MRC1: variants seen among roughly 807,000 people sequenced by gnomAD.
MRC1 encodes macrophage mannose receptor 1.
MRC1 carries 62 observed loss-of-function variants against 102.9 expected under a neutral mutation model. The observed-to-expected ratio is 0.60, with a 90% CI of 0.49 to 0.74. MRC1 has a LOEUF of 0.74. Ranked by LOEUF, MRC1 falls within the 30% of genes least tolerant of loss-of-function variation. The probability of loss-of-function intolerance (pLI) is 0.00; values close to 1 mark genes in which losing one functional copy is unlikely to be tolerated. For missense variants in MRC1, 1,237 were observed against 862.8 expected, an observed-to-expected ratio of 1.43 and a Z score of -5.43; for synonymous variants, 457 against 298.4, an observed-to-expected ratio of 1.53 and a Z score of -5.48.
At chr10:17,818,814 A>C (rs1055561187) in intron 1 of MRC1, among the ~76,000 whole-genome samples, 8,661 of 152,270 alleles carry the variant, frequency 0.057, 280 homozygotes, top group South Asian at 0.12. Flanking sequence ...AAGAAAGAAA[A>C]GGAAAGTTGA....
chr10:17,894,314 T>G lies in MRC1; in HGVS notation c.3250+2T>G, dbSNP rs1278708382. 1.1e-6 allele frequency: 1 copy of G among 872,390 alleles called. No individual in the cohort carries two copies. The highest frequency in any genetic ancestry group is 2.0e-6 in the Non-Finnish European group (1 of 501,434). 54.0% of individuals were successfully genotyped at this position (872,390 alleles called of 1,614,324 possible). A position where few individuals can be genotyped will look rare whatever the true frequency, so the allele number is the denominator to read the frequency against. ...GCTACATATGCCAGACACGATCCGG[T>G]AAGTTCTACCAAACCTTACCTTCCT... On this transcript the variant is annotated splice_donor_variant, in intron 23 of 29. Coordinates refer to ENST00000569591, the MANE Select transcript of MRC1 (RefSeq NM_002438.4). LOFTEE classifies it high-confidence loss of function.
chr10:17,870,217 A>C, intron 12 of MRC1, 29 bp from the exon 13 acceptor site: 1 of 769,186 alleles, frequency 1.3e-6, no homozygotes. Context: ...CAAAGCATAA[A>C]ATAATTTTTG....
At chr10:17,882,149 C>T (rs1472425928) in intron 21 of MRC1, among the ~76,000 whole-genome samples, 1 of 151,842 alleles carries the variant, frequency 6.6e-6, no homozygotes, top group Non-Finnish European at 1.5e-5. Flanking sequence ...TGTGACTTGC[C>T]CTTTGAGGAG....
rs1589170470 is a variant in MRC1 at position 17,837,044 on chromosome 10, G to A, written c.802+3205G>A. ...CAGAGAAGGAGCAAGTGATCTGAGC[G>A]GACAGCGGCTTTGCCCAAGCACAGA... On this transcript the variant is annotated intron_variant, in intron 4 of 29. Coordinates refer to ENST00000569591, the MANE Select transcript of MRC1 (RefSeq NM_002438.4). Among the ~76,000 whole-genome samples, 5 of 152,236 alleles carry A rather than the reference G, an allele frequency of 3.3e-5. No homozygotes were observed. In the South Asian group the frequency reaches 6.2e-4, roughly 19 times the overall value.
At chr10:17,824,193 C>T (rs1838439790) in intron 2 of MRC1, among the ~76,000 whole-genome samples, 1 of 152,160 alleles carries the variant, frequency 6.6e-6, no homozygotes, top group African/African-American at 2.4e-5. Flanking sequence ...GACCAAATTT[C>T]ACTATCTGGT....
chr10:17,818,979 A>C (rs1201503328), intron 1 of MRC1, among the ~76,000 whole-genome samples: 8 of 152,100 alleles, frequency 5.3e-5, no homozygotes, highest in Non-Finnish European at 1.0e-4. Context: ...CTAATAAACA[A>C]TGATATAGGG....
chr10:17,888,681 G>A (rs1274119366), intron 22 of MRC1, among the ~76,000 whole-genome samples: 6 of 152,128 alleles, frequency 3.9e-5, no homozygotes, highest in African/African-American at 1.4e-4. Flanking sequence ...TTATGGCTCA[G>A]AATATGGTCT....
intron 15 of MRC1, 135 bp downstream of exon 15, chr10:17,872,261 A>G: frequency 2.6e-6 from 2 of 760,878 alleles, no homozygotes; most frequent in East Asian, 4.9e-5. Context: ...ATCATTGCAT[A>G]GGATAAGCAT....
chr10:17,892,075 G>A (rs1318864122), intron 22 of MRC1, among the ~76,000 whole-genome samples: 1 of 152,178 alleles, frequency 6.6e-6, no homozygotes, highest in Non-Finnish European at 1.5e-5. Context: ...TGGTGAAACC[G>A]CAGTTAGTTA....
intron 15 of MRC1, among the ~76,000 whole-genome samples, 192 bp downstream of exon 15, chr10:17,872,318 A>T (rs1288587063): frequency 6.6e-6 from 1 of 152,216 alleles, no homozygotes; most frequent in African/African-American, 2.4e-5. Flanking sequence ...AGAGAAGATC[A>T]AAAGGCCACC....
Position 17,907,596 on chromosome 10 carries a change from T to G in MRC1, c.3976T>G (p.Ser1326Ala). ...SFVNWNTGDPSGERNDCVALH... is the reference protein window; with the variant it reads ...SFVNWNTGDPAGERNDCVALH... ...TGTCAACTGGAACACAGGAGATCCCTCTGGTGAACGGAATGATTGTGTAGC... is the reference window on the plus strand; with the variant it reads ...TGTCAACTGGAACACAGGAGATCCCGCTGGTGAACGGAATGATTGTGTAGC... The change falls in exon 28 of 30, where the codon TCT (serine) becomes GCT (alanine). Residue 1326 changes from serine (S) to alanine (A), a missense_variant. Physicochemically the swap from Ser to Ala is moderately conservative, Grantham distance 99. Transcript: ENST00000569591. 1 of 780,918 alleles carries G rather than the reference T, an allele frequency of 1.3e-6. No individual in the cohort carries two copies. Among genetic ancestry groups the G allele is most frequent in the Non-Finnish European group, 2.4e-6 (1 of 417,968 alleles). 48.4% of individuals were successfully genotyped at this position (780,918 alleles called of 1,614,324 possible).
rs964329387 is a variant in MRC1 at position 17,843,964 on chromosome 10, T to C, written c.917-1325T>C. Among the ~76,000 whole-genome samples the C allele has an allele frequency of 5.9e-5, 9 of 152,268 alleles. No homozygotes were observed. The East Asian group carries it at 1.7e-3, about 29-fold the overall frequency. On this transcript the variant is annotated intron_variant, in intron 5 of 29. Transcript: ENST00000569591. The stretch of plus-strand genomic sequence containing the variant: ...GTCTTCAGGTGGAAGGTGAAGCTAG[T>C]TTGGGGAGTACTGGTTTTTAAATCA...
intron 21 of MRC1, among the ~76,000 whole-genome samples, chr10:17,881,923 C>T (rs1833526676): frequency 2.2e-5 from 3 of 137,250 alleles, no homozygotes; most frequent in Non-Finnish European, 3.0e-5. Flanking sequence ...TCTCAGCCTC[C>T]CAAAGTGTTA....
intron 4 of MRC1, among the ~76,000 whole-genome samples, chr10:17,838,184 C>A (rs528116605): frequency 6.6e-6 from 1 of 152,126 alleles, no homozygotes; most frequent in Non-Finnish European, 1.5e-5. Context: ...ACAGAACACC[C>A]GGGGATCCGC....
intron 7 of MRC1, 24 bp downstream of exon 7, chr10:17,849,788 A>G (rs1838886348): frequency 2.6e-6 from 2 of 770,174 alleles, no homozygotes; most frequent in Admixed American, 3.4e-5. Context: ...CAGTGATAAT[A>G]TACTTGGCTT....
intron 16 of MRC1, among the ~76,000 whole-genome samples, chr10:17,874,029 C>T (rs1780609121): frequency 6.6e-6 from 1 of 152,192 alleles, no homozygotes; most frequent in African/African-American, 2.4e-5. Context: ...AATACAGTTT[C>T]TCAAGGGTTC....
At chr10:17,887,308 A>G (rs1053411776) in intron 22 of MRC1, among the ~76,000 whole-genome samples, 68 of 152,220 alleles carry the variant, frequency 4.5e-4, no homozygotes, top group African/African-American at 1.5e-3. Context: ...GGAGAATGGC[A>G]TGAACCCCGG....
intron 4 of MRC1, among the ~76,000 whole-genome samples, chr10:17,837,423 TACTC>T (rs1331031376): frequency 6.6e-6 from 1 of 152,206 alleles, no homozygotes; most frequent in Non-Finnish European, 1.5e-5. Flanking sequence ...AAAGGGATGA[TACTC>T]AGTGTTGATT....
chr10:17,910,895 T>C lies in MRC1; in HGVS notation c.*430T>C. 1 of 178,002 alleles carries C rather than the reference T, an allele frequency of 5.6e-6. No homozygotes were observed. The highest frequency in any genetic ancestry group is 1.1e-4 in the South Asian group (1 of 9,248). 11.0% of individuals were successfully genotyped at this position (178,002 alleles called of 1,614,324 possible). A position where few individuals can be genotyped will look rare whatever the true frequency, so the allele number is the denominator to read the frequency against. On this transcript the variant is annotated 3_prime_UTR_variant, in exon 30 of 30. Transcript: ENST00000569591. ...CAGGTACAAATTTCCTCAAGTGGCA[T>C]AAAAATGTAGTCAGTTTTCTCTTTT...
Sources: allele counts gnomAD v4.1 joint callset (sites outside exome capture counted in the v4.1 genomes callset), GRCh38; gene constraint gnomAD v4.1.1; transcripts MANE v1.5; gene names NCBI Gene and HGNC (gene_info 2026-07-23, HGNC 2026-07-21).